Variants in GSE1 observed in about 807,000 individuals in gnomAD.
GSE1 encodes the protein Gse1 coiled-coil protein.
GSE1 carries 32 observed loss-of-function variants against 112.6 expected under a neutral mutation model. The observed-to-expected ratio is 0.28, with a 90% CI of 0.21 to 0.38. The LOEUF (loss-of-function observed/expected upper bound fraction) is 0.38. Ranked by LOEUF, GSE1 falls within the 10% of genes least tolerant of loss-of-function variation. The probability of loss-of-function intolerance (pLI) is 1.00; values close to 1 mark genes in which losing one functional copy is unlikely to be tolerated. For missense variants in GSE1, 2,348 were observed against 1,699.2 expected (o/e 1.38, Z -6.71); for synonymous variants, 1,115 against 735.6 (o/e 1.52, Z -8.35).
At chr16:85,450,203 C>T (rs1431275249) in intron 2 of GSE1, among the ~76,000 whole-genome samples, 1 of 147,254 alleles carries the variant, frequency 6.8e-6, no homozygotes, top group African/African-American at 2.5e-5. Flanking sequence ...CTCACCACAA[C>T]CTCCACCTCC....
chr16:85,482,027 C>G (rs2050696268), intron 2 of GSE1, among the ~76,000 whole-genome samples: 1 of 152,252 alleles, frequency 6.6e-6, no homozygotes, highest in Non-Finnish European at 1.5e-5. Flanking sequence ...CATCTGGCCT[C>G]AGTCATTCGG....
chr16:85,241,830 C>T (rs965291136), intron 1 of GSE1, among the ~76,000 whole-genome samples: 2 of 152,096 alleles, frequency 1.3e-5, no homozygotes, highest in Admixed American at 1.3e-4. Context: ...GTGGCCGATG[C>T]CCTTTATGGT....
At chr16:85,383,541 CT>C (rs2047612860) in intron 2 of GSE1, among the ~76,000 whole-genome samples, 10 of 8,678 alleles carry the variant, frequency 1.2e-3, no homozygotes, top group Admixed American at 9.0e-3. Flanking sequence ...CTCTCTCTCT[CT>C]CTCTCTCTCT....
chr16:85,296,256 A>C (rs994795389), intron 1 of GSE1, among the ~76,000 whole-genome samples: 10 of 152,116 alleles, frequency 6.6e-5, no homozygotes, highest in African/African-American at 2.4e-4. Flanking sequence ...CGCACGGCTC[A>C]TCATGTGTGA....
intron 1 of GSE1, among the ~76,000 whole-genome samples, chr16:85,258,847 G>A (rs140288941): frequency 1.8e-3 from 271 of 152,268 alleles, no homozygotes; most frequent in African/African-American, 6.1e-3. Context: ...GCCTGACCTC[G>A]CCCTCTCCCC....
chr16:85,502,712 T>C (rs1331260943), intron 2 of GSE1, among the ~76,000 whole-genome samples: 1 of 152,002 alleles, frequency 6.6e-6, no homozygotes, highest in Non-Finnish European at 1.5e-5. Context: ...GAGCCTGGGG[T>C]CAAGTTCAAG....
intron 1 of GSE1, among the ~76,000 whole-genome samples, chr16:85,318,407 G>A (rs144162994): frequency 5.8e-4 from 88 of 152,260 alleles, no homozygotes; most frequent in African/African-American, 2.0e-3. Context: ...GGGACAGCAG[G>A]CATGCACCAC....
intron 1 of GSE1, among the ~76,000 whole-genome samples, chr16:85,189,908 G>A (rs531853491): frequency 7.9e-5 from 12 of 152,102 alleles, no homozygotes; most frequent in Non-Finnish European, 1.8e-4. Flanking sequence ...TTCTTAACCA[G>A]TATAGGAATT....
intron 3 of GSE1, among the ~76,000 whole-genome samples, chr16:85,651,424 C>T (rs1462970753): frequency 6.6e-6 from 1 of 152,122 alleles, no homozygotes; most frequent in Non-Finnish European, 1.5e-5. Flanking sequence ...CCCCGGACTC[C>T]CTGTTTGTCC....
Position 85,396,764 on chromosome 16 carries a change from G to A in GSE1, c.2464+39121G>A, listed in dbSNP as rs1248718030. ...GGACTTGACCCAGGAGTGGGTGAGG[G>A]TGGCGGCAGGGGAGGCTGTCTGGGA... On this transcript the variant is annotated intron_variant, in intron 2 of 2. Coordinates refer to the GSE1 transcript ENST00000637419. Among the ~76,000 whole-genome samples, 3 of 152,374 alleles carry A rather than the reference G, an allele frequency of 2.0e-5. No homozygotes were observed. The East Asian group carries it at 5.8e-4, about 29-fold the overall frequency.
chr16:85,443,961 G>T (rs563182929), intron 2 of GSE1, among the ~76,000 whole-genome samples: 1 of 145,994 alleles, frequency 6.8e-6, no homozygotes, highest in African/African-American at 2.5e-5. Flanking sequence ...TGGCTGCCAC[G>T]TTCCGGGAGA....
chr16:85,423,706 C>G (rs1051488290), intron 2 of GSE1, among the ~76,000 whole-genome samples: 1 of 142,526 alleles, frequency 7.0e-6, no homozygotes, highest in Non-Finnish European at 1.6e-5. Context: ...CAGACCAAAC[C>G]GTGGCAAGCG....
chr16:85,179,032 C>T (rs1252318642), intron 1 of GSE1, among the ~76,000 whole-genome samples: 2 of 152,036 alleles, frequency 1.3e-5, no homozygotes, highest in African/African-American at 4.8e-5. Context: ...TGAAAGTCAC[C>T]CTTTGAAAGT....
chr16:85,322,613 GCT>G (rs1491326991), intron 1 of GSE1, among the ~76,000 whole-genome samples: 1 of 123,050 alleles, frequency 8.1e-6, no homozygotes, highest in African/African-American at 4.2e-5. Flanking sequence ...TCTCCATTTT[GCT>G]TTTTTTTTTT....
intron 1 of GSE1, among the ~76,000 whole-genome samples, chr16:85,328,273 G>C (rs947340279): frequency 2.6e-5 from 4 of 152,200 alleles, no homozygotes; most frequent in African/African-American, 9.6e-5. Context: ...GGAATTCCCT[G>C]TCCAGGGTGG....
At chr16:85,595,294 T>G (rs185709437) in intron 1 of GSE1, 92 of 152,352 alleles carry the variant, frequency 6.0e-4, no homozygotes, top group African/African-American at 2.1e-3. Context: ...CTTCTAGCAT[T>G]TTCCTCTGGA....
intron 1 of GSE1, among the ~76,000 whole-genome samples, chr16:85,599,995 G>T (rs1238819922): frequency 6.6e-6 from 1 of 152,168 alleles, no homozygotes; most frequent in African/African-American, 2.4e-5. Flanking sequence ...CGGGGACCTG[G>T]CAAGGTCCCT....
chr16:85,652,948 T>C (rs1161057003), intron 3 of GSE1, among the ~76,000 whole-genome samples: 1 of 151,714 alleles, frequency 6.6e-6, no homozygotes, highest in Non-Finnish European at 1.5e-5. Context: ...CATGGCCAGA[T>C]GGAACGTGAG....
Position 85,646,118 on chromosome 16 carries a change from T to C in GSE1, c.227-2434T>C, listed in dbSNP as rs1296794046. On this transcript the variant is annotated intron_variant, in intron 2 of 15. Transcript: ENST00000253458. ...TTCCTATGCATGCATTCTACCTGCT[T>C]CTACCACGCTTCCTATGCATGCATT... is the stretch of plus-strand genomic sequence containing the variant. Among the ~76,000 whole-genome samples, 150 of 103,366 alleles carry C rather than the reference T, an allele frequency of 1.5e-3. 6 individuals are homozygous for C. Among genetic ancestry groups the C allele is most frequent in the African/African-American group, 6.3e-3 (137 of 21,848 alleles). 67.8% of individuals were successfully genotyped at this position (103,366 alleles called of 152,430 possible).
Sources: allele counts gnomAD v4.1 joint callset (sites outside exome capture counted in the v4.1 genomes callset), GRCh38; gene constraint gnomAD v4.1.1; transcripts MANE v1.5; gene names NCBI Gene and HGNC (gene_info 2026-07-23, HGNC 2026-07-21).